The following PDE8A variants were observed in gnomAD, a reference collection of about 807,000 sequenced individuals.
PDE8A encodes the protein phosphodiesterase 8A.
Under a neutral mutation model 105.0 loss-of-function variants are expected in PDE8A, and 59 were observed. The observed-to-expected ratio is 0.56, with a 90% CI of 0.46 to 0.70. The LOEUF (loss-of-function observed/expected upper bound fraction) is 0.70, where lower values mean the gene tolerates loss of function less well. PDE8A is among the 30% of genes least tolerant of loss of function. The pLI is 0.00. For missense variants in PDE8A, 1,014 were observed against 1,045.9 expected (o/e 0.97, Z 0.42); for synonymous variants, 355 against 371.9 (o/e 0.95, Z 0.52).
intron 1 of PDE8A, among the ~76,000 whole-genome samples, chr15:85,021,347 G>C (rs2080423241): frequency 6.6e-6 from 1 of 152,050 alleles, no homozygotes; most frequent in Admixed American, 6.6e-5. Context: ...TTCAAGACCA[G>C]CCTAGGTGAC....
intron 3 of PDE8A, among the ~76,000 whole-genome samples, chr15:85,075,303 G>GT (rs1346083611): frequency 1.3e-5 from 2 of 152,162 alleles, no homozygotes; most frequent in Non-Finnish European, 1.5e-5. Flanking sequence ...TTTTCATGAG[G>GT]TGTTGATGCT....
At chr15:85,135,250 G>A (rs2082390570) in intron 20 of PDE8A, among the ~76,000 whole-genome samples, 1 of 152,060 alleles carries the variant, frequency 6.6e-6, no homozygotes, top group Non-Finnish European at 1.5e-5. Flanking sequence ...TCTTGTGAGT[G>A]GCCAACAGTG....
chr15:85,017,238 G>A (rs1190653337), intron 1 of PDE8A, among the ~76,000 whole-genome samples: 2 of 148,934 alleles, frequency 1.3e-5, no homozygotes, highest in Non-Finnish European at 3.0e-5. Flanking sequence ...TCCGCAGTCC[G>A]GCCTGGGCGA....
rs749951968 is a variant in PDE8A at position 85,136,785 on chromosome 15, G to A, written c.2383+122G>A. On this transcript the variant is annotated intron_variant, in intron 21 of 21. Coordinates refer to ENST00000394553, the MANE Select transcript of PDE8A (RefSeq NM_002605.3). Reference sequence around the variant, plus strand: ...GGCCTGGGCTTTCAAGAACAAGAGCGAAGTGAACCATCACCGAGGGCCCCT... The same window carrying A: ...GGCCTGGGCTTTCAAGAACAAGAGCAAAGTGAACCATCACCGAGGGCCCCT... 16 of 963,526 alleles carry A rather than the reference G, an allele frequency of 1.7e-5. No homozygotes were observed. The Admixed American group carries it at 2.6e-4, about 16-fold the overall frequency. The allele number at this position is 963,526 out of a possible 1,614,324, so 59.7% of individuals were successfully genotyped here.
At chr15:85,094,199 A>T (rs949111894) in intron 8 of PDE8A, among the ~76,000 whole-genome samples, 1 of 151,866 alleles carries the variant, frequency 6.6e-6, no homozygotes, top group African/African-American at 2.4e-5. Flanking sequence ...TCCCTCCCTC[A>T]GAAACTGTGT....
intron 1 of PDE8A, among the ~76,000 whole-genome samples, chr15:85,021,524 C>G (rs1462878900): frequency 3.9e-5 from 6 of 151,956 alleles, no homozygotes. Flanking sequence ...TGCCACTGCA[C>G]TCCAGCCTAG....
At chr15:85,057,984 A>G (rs1037117538) in intron 1 of PDE8A, among the ~76,000 whole-genome samples, 1 of 152,050 alleles carries the variant, frequency 6.6e-6, no homozygotes, top group African/African-American at 2.4e-5. Context: ...TATAAGGGAT[A>G]TTGGCCTGTA....
rs1555464920 is a variant in PDE8A at position 85,006,699 on chromosome 15, C to CA, written c.186+24351_186+24352insA. ...TCTTTTTGTCATGTGTGGTGAATAA[C>CA]TTTTTTTTTTTCCCTGGTTTGCCTT... On this transcript the variant is annotated intron_variant, in intron 1 of 21. Transcript: ENST00000394553. 4.6e-3 allele frequency among the ~76,000 whole-genome samples: 684 copies of CA among 147,246 alleles called. 2 individuals are homozygous for CA. The highest frequency in any genetic ancestry group is 0.016 in the African/African-American group (642 of 40,298).
chr15:85,035,504 C>T (rs1030609878), intron 1 of PDE8A, among the ~76,000 whole-genome samples: 4 of 152,088 alleles, frequency 2.6e-5, no homozygotes, highest in African/African-American at 4.8e-5. Context: ...GCCACCGCGC[C>T]GGGCCCTGAG....
intron 7 of PDE8A, chr15:85,090,623 G>C: frequency 3.2e-6 from 1 of 309,664 alleles, no homozygotes; most frequent in Non-Finnish European, 6.8e-6. Flanking sequence ...GACTTGCTGA[G>C]GTCAATGTGT....
intron 1 of PDE8A, among the ~76,000 whole-genome samples, chr15:85,013,657 A>G (rs1339866839): frequency 1.3e-5 from 2 of 152,246 alleles, no homozygotes; most frequent in East Asian, 3.8e-4. Context: ...ATTACCCCAA[A>G]GTTTACTGGC....
intron 1 of PDE8A, among the ~76,000 whole-genome samples, chr15:85,001,926 A>G (rs1029704226): frequency 2.0e-5 from 3 of 152,182 alleles, no homozygotes; most frequent in African/African-American, 7.2e-5. Context: ...TCTTATGACA[A>G]TCCAGGGGGC....
intron 1 of PDE8A, among the ~76,000 whole-genome samples, chr15:85,040,192 T>C (rs1250180640): frequency 6.6e-6 from 1 of 151,974 alleles, no homozygotes; most frequent in East Asian, 1.9e-4. Flanking sequence ...CCTATAGTCC[T>C]AGCTACTTGG....
chr15:85,047,852 A>T (rs35885781), intron 1 of PDE8A, among the ~76,000 whole-genome samples: 21,123 of 152,174 alleles, frequency 0.14, 1,912 homozygotes, highest in Middle Eastern at 0.24. Flanking sequence ...CACTATGTAA[A>T]TATGTATATA....
chr15:85,017,874 C>T (rs547272031), intron 1 of PDE8A, among the ~76,000 whole-genome samples: 20 of 19,764 alleles, frequency 1.0e-3, no homozygotes, highest in African/African-American at 3.0e-3. Context: ...GCAACAGGAG[C>T]GAAACTCCGT....
intron 1 of PDE8A, among the ~76,000 whole-genome samples, chr15:84,984,936 C>A (rs1017457329): frequency 1.3e-5 from 2 of 151,614 alleles, no homozygotes; most frequent in African/African-American, 4.9e-5. Context: ...AAAAAAAAAT[C>A]CAAAACACTT....
intron 18 of PDE8A, 62 bp from the exon 19 acceptor site, chr15:85,122,999 G>A: frequency 6.4e-7 from 1 of 1,556,450 alleles, no homozygotes; most frequent in Non-Finnish European, 8.8e-7. Flanking sequence ...ATTGTTTTCA[G>A]GAGTACCTGT....
At chr15:85,022,529 A>T (rs1034867618) in intron 1 of PDE8A, among the ~76,000 whole-genome samples, 1 of 128,426 alleles carries the variant, frequency 7.8e-6, no homozygotes, top group Non-Finnish European at 1.6e-5. Context: ...GTAGTGTCAT[A>T]TATATGCAAA....
chr15:85,103,412 A>T (rs2081897998), intron 11 of PDE8A, among the ~76,000 whole-genome samples: 1 of 151,974 alleles, frequency 6.6e-6, no homozygotes, highest in Non-Finnish European at 1.5e-5. Flanking sequence ...TACCCATCCC[A>T]CCCAGGTGAG....
Sources: allele counts gnomAD v4.1 joint callset (sites outside exome capture counted in the v4.1 genomes callset), GRCh38; gene constraint gnomAD v4.1.1; transcripts MANE v1.5; gene names NCBI Gene and HGNC (gene_info 2026-07-23, HGNC 2026-07-21).